The following SEMA4D variants were observed in gnomAD, a reference collection of about 807,000 sequenced individuals.
SEMA4D encodes the protein semaphorin 4D, also known as semaphorin-4D.
A neutral mutation model predicts 74.8 loss-of-function variants in SEMA4D; 22 were observed. The observed-to-expected ratio is 0.29, with a 90% CI of 0.21 to 0.42. The LOEUF is 0.42. SEMA4D is among the 10% of genes least tolerant of loss of function. The pLI, the probability that SEMA4D is intolerant of heterozygous loss-of-function variation, is 1.00. For missense variants in SEMA4D, 937 were observed against 1,118.4 expected (o/e 0.84, Z 2.31); for synonymous variants, 445 against 463.7 (o/e 0.96, Z 0.52).
In SEMA4D at chr9:89,379,100, G is replaced by A. The variant is rs148846002; in HGVS notation, c.2193C>T (p.Ser731=). ...AGAGGGACATGAGGAGGCGGTTGTC[G>A]CTGGACTTAAGATACATGGTTTTCT... ...HSEKTMYLKS[S]DNRLLMSLFL... The change falls in exon 16 of 16, where the codon AGC becomes AGT. Residue 731 remains serine, a synonymous_variant. Coordinates refer to ENST00000422704, the MANE Select transcript of SEMA4D (RefSeq NM_001371194.2). The A allele has an allele frequency of 1.2e-4, 189 of 1,614,040 alleles. No individual in the cohort carries two copies. Among genetic ancestry groups the A allele is most frequent in the African/African-American group, 2.3e-4 (17 of 74,928 alleles).
intron 2 of SEMA4D, among the ~76,000 whole-genome samples, chr9:89,445,610 G>C (rs1326539288): frequency 6.6e-6 from 1 of 152,178 alleles, no homozygotes; most frequent in African/African-American, 2.4e-5. Flanking sequence ...GATGTGCACA[G>C]GGAGAGAGAG....
intron 15 of SEMA4D, among the ~76,000 whole-genome samples, chr9:89,380,014 T>TC (rs1836652443): frequency 6.6e-6 from 1 of 152,190 alleles, no homozygotes; most frequent in African/African-American, 2.4e-5. Context: ...CTCAGCACTC[T>TC]CCTCCTGCCT....
rs114092346 is a variant in SEMA4D, at chr9:89,437,519, G to A, written c.-244+18369C>T. ...CCACCCAGCACCAACCCTAGCAGGC[G>A]GCAGCGACAGGCACTCCCACTGCTG... is the stretch of plus-strand genomic sequence containing the variant. On this transcript the variant is annotated intron_variant, in intron 2 of 15. Coordinates refer to ENST00000422704, the MANE Select transcript of SEMA4D (RefSeq NM_001371194.2). Among the ~76,000 whole-genome samples the A allele has an allele frequency of 6.0e-3, 920 of 152,292 alleles. 8 individuals are homozygous for A. The highest frequency in any genetic ancestry group is 0.02 in the African/African-American group (850 of 41,566).
Position 89,438,386 on chromosome 9 carries a change from G to A in SEMA4D, c.-244+17502C>T, listed in dbSNP as rs570830704. ...CCTCCCATGGCAGCTCGTGATGGCTGCATCACAGAATGCAACAAGAAGGTG... is the reference window on the plus strand; with the variant it reads ...CCTCCCATGGCAGCTCGTGATGGCTACATCACAGAATGCAACAAGAAGGTG... On this transcript the variant is annotated intron_variant, in intron 2 of 15. Transcript: ENST00000422704. Among the ~76,000 whole-genome samples the A allele has an allele frequency of 9.1e-4, 138 of 152,360 alleles. 1 individual carries two copies. Among genetic ancestry groups the A allele is most frequent in the Non-Finnish European group, 1.9e-4 (13 of 68,036 alleles).
At chr9:89,380,576 A>G (rs888520437) in intron 15 of SEMA4D, among the ~76,000 whole-genome samples, 3 of 152,200 alleles carry the variant, frequency 2.0e-5, no homozygotes, top group Admixed American at 6.5e-5. Flanking sequence ...GTCTGCCTTT[A>G]GCACCCTGGA....
chr9:89,388,552 T>C (rs2133084643), intron 11 of SEMA4D, 84 bp downstream of exon 11: 4 of 1,494,304 alleles, frequency 2.7e-6, no homozygotes, highest in Non-Finnish European at 3.6e-6. Flanking sequence ...ACCCAGCCCA[T>C]GAGCAGGCCC....
chr9:89,468,676 G>C (rs1445549094), intron 1 of SEMA4D, among the ~76,000 whole-genome samples: 2 of 152,156 alleles, frequency 1.3e-5, no homozygotes, highest in Admixed American at 1.3e-4. Flanking sequence ...CCCTGGAAAA[G>C]TGGTGAAAAT....
intron 13 of SEMA4D, among the ~76,000 whole-genome samples, chr9:89,383,491 G>A (rs1353418123): frequency 6.6e-6 from 1 of 152,180 alleles, no homozygotes; most frequent in Non-Finnish European, 1.5e-5. Context: ...CTCCTCTCCA[G>A]GAGTGCTGAG....
intron 2 of SEMA4D, among the ~76,000 whole-genome samples, chr9:89,430,282 A>G (rs1020610254): frequency 2.6e-5 from 4 of 152,164 alleles, no homozygotes; most frequent in Non-Finnish European, 5.9e-5. Flanking sequence ...GCAGCCAAAG[A>G]GCAAACCCTC....
In SEMA4D at chr9:89,468,639, C is replaced by T. The variant is rs138321836; in HGVS notation, c.-309-12686G>A. Among the ~76,000 whole-genome samples, 471 of 152,294 alleles carry T rather than the reference C, an allele frequency of 3.1e-3. 3 individuals carry two copies. The highest frequency in any genetic ancestry group is 0.011 in the African/African-American group (440 of 41,538). ...ATAAATAAATCAGTACCTATCAACA[C>T]GCCACTCAGAATAATCACCTCAAAC... On this transcript the variant is annotated intron_variant, in intron 1 of 15. Transcript: ENST00000422704.
At position 89,480,426 on chromosome 9, in the gene SEMA4D, A is replaced by T. The variant is rs190724626; in HGVS notation, c.-310+17493T>A. Among the ~76,000 whole-genome samples the T allele has an allele frequency of 4.9e-3, 749 of 152,354 alleles. 3 individuals are homozygous for T. The highest frequency in any genetic ancestry group is 0.017 in the African/African-American group (695 of 41,582). On this transcript the variant is annotated intron_variant, in intron 1 of 15. Coordinates refer to ENST00000422704, the MANE Select transcript of SEMA4D (RefSeq NM_001371194.2). ...CCTGTGCCGTGCGCTCGCATTCCTC[A>T]GCCCTTGGGTGGTCGATGGGACTGG...
chr9:89,428,307 G>A lies in SEMA4D; in HGVS notation c.-243-22608C>T, dbSNP rs573339826. On this transcript the variant is annotated intron_variant, in intron 2 of 15. Transcript: ENST00000422704. ...CAGCTTCCTTCTGGGCCTCACATTC[G>A]ATGCTGCCCAGCACTGCCCAAACAC... 3.3e-5 allele frequency among the ~76,000 whole-genome samples: 5 copies of A among 152,312 alleles called. No individual in the cohort carries two copies. The South Asian group carries it at 6.2e-4, about 19-fold the overall frequency.
chr9:89,378,568 G>C lies in SEMA4D; in HGVS notation c.*136C>G. On this transcript the variant is annotated 3_prime_UTR_variant, in exon 16 of 16. Coordinates refer to ENST00000422704, the MANE Select transcript of SEMA4D (RefSeq NM_001371194.2). ...CAACCCAAGAGAAAATAGACAAGAG[G>C]ACTGAGGTTGTCTGCACGATGCGGG... The C allele has an allele frequency of 3.1e-6, 2 of 636,104 alleles. No individual in the cohort carries two copies. The highest frequency in any genetic ancestry group is 5.5e-6 in the Non-Finnish European group (2 of 363,270). 39.4% of individuals were successfully genotyped at this position (636,104 alleles called of 1,614,324 possible).
chr9:89,448,331 A>G (rs1853485498), intron 2 of SEMA4D, among the ~76,000 whole-genome samples: 1 of 152,056 alleles, frequency 6.6e-6, no homozygotes, highest in South Asian at 2.1e-4. Context: ...TGACCTATTG[A>G]TCTCCTTTGG....
At chr9:89,450,011 A>C (rs1853960526) in intron 2 of SEMA4D, 1 of 1,517,288 alleles carries the variant, frequency 6.6e-7, no homozygotes, top group Non-Finnish European at 9.1e-7. Context: ...GTTGTGCTGA[A>C]GCTGCCCCAT....
chr9:89,392,373 A>G lies in SEMA4D; in HGVS notation c.622+50T>C, dbSNP rs778735928. ...GAAAAGGAGAGATCAACAGGTGTGC[A>G]CTCATGAGGAGACACGCACCTCCCA... On this transcript the variant is annotated intron_variant, in intron 8 of 15. Transcript: ENST00000422704. The G allele has an allele frequency of 3.0e-6, 4 of 1,339,526 alleles. No individual in the cohort carries two copies. The East Asian group carries it at 9.2e-5, about 31-fold the overall frequency. 83.0% of individuals were successfully genotyped at this position (1,339,526 alleles called of 1,614,324 possible).
Position 89,381,995 on chromosome 9 carries a change from C to T in SEMA4D, c.1447-649G>A, listed in dbSNP as rs144482263. On this transcript the variant is annotated intron_variant, in intron 13 of 15. Transcript: ENST00000422704. This position sits in a 1 kb window ranked among gnomAD's most constrained non-coding sequence, Gnocchi z 4.6. Reference sequence around the variant, plus strand: ...TATGTAAAAGGGAAGAGCTCACAGACGGGAAGTCAACCTCCGAGCTCCAGA... The same window carrying T: ...TATGTAAAAGGGAAGAGCTCACAGATGGGAAGTCAACCTCCGAGCTCCAGA... 3.5e-4 allele frequency among the ~76,000 whole-genome samples: 54 copies of T among 152,360 alleles called. 1 individual carries two copies. The East Asian group carries it at 0.01, about 29-fold the overall frequency.
Position 89,388,808 on chromosome 9 carries a change from A to G in SEMA4D, c.951-16T>C, listed in dbSNP as rs752317748. ...CACGTTGTTCCTGGGGAGGGGAAAG[A>G]GGTGACGGGACCACCTGGCGGCATC... On this transcript the variant is annotated splice_polypyrimidine_tract_variant and intron_variant, in intron 10 of 15. Coordinates refer to ENST00000422704, the MANE Select transcript of SEMA4D (RefSeq NM_001371194.2). 1 of 1,605,512 alleles carries G rather than the reference A, an allele frequency of 6.2e-7. No homozygotes were observed. Among genetic ancestry groups the G allele is most frequent in the Non-Finnish European group, 8.5e-7 (1 of 1,173,382 alleles).
intron 1 of SEMA4D, among the ~76,000 whole-genome samples, chr9:89,487,324 G>C (rs1825272826): frequency 1.3e-5 from 2 of 151,946 alleles, no homozygotes; most frequent in Non-Finnish European, 2.9e-5. Flanking sequence ...AAAAGTATAT[G>C]AGGAAATTCA....
Sources: allele counts gnomAD v4.1 joint callset (sites outside exome capture counted in the v4.1 genomes callset), GRCh38; gene constraint gnomAD v4.1.1; non-coding constraint Gnocchi (gnomAD v3.1); transcripts MANE v1.5; gene names NCBI Gene and HGNC (gene_info 2026-07-23, HGNC 2026-07-21).